The following RMI1 variants were observed in gnomAD, a reference collection of about 807,000 sequenced individuals.
RMI1 encodes the protein recQ-mediated genome instability protein 1.
In RMI1, 36 loss-of-function variants were observed where a neutral mutation model predicts 46.7. The ratio of observed to expected loss-of-function variants is 0.77; its 90% CI spans 0.59 to 1.02. The LOEUF is 1.02. Among genes scored for constraint, RMI1 ranks in the 50% least tolerant of loss-of-function variants. RMI1 has a pLI of 0.00. For synonymous variants in RMI1, 250 were observed against 252.9 expected (o/e 0.99, Z 0.11); for missense variants, 676 against 713.7 (o/e 0.95, Z 0.60).
intron 1 of RMI1, among the ~76,000 whole-genome samples, chr9:83,982,975 T>C (rs1240950382): frequency 2.0e-5 from 3 of 152,352 alleles, no homozygotes; most frequent in Admixed American, 6.5e-5. Context: ...TCTTGTGTAA[T>C]TGGTACAATG....
chr9:83,985,282 A>G (rs1490319726), intron 1 of RMI1, among the ~76,000 whole-genome samples: 1 of 152,226 alleles, frequency 6.6e-6, no homozygotes, highest in Non-Finnish European at 1.5e-5. Flanking sequence ...AGTTGTAGGA[A>G]TTATATCTGT....
chr9:83,989,674 A>AAAAAAT lies in RMI1; in HGVS notation c.-126+8787_-126+8788insATAAAA, dbSNP rs1554705254. On this transcript the variant is annotated intron_variant, in intron 1 of 2. Coordinates refer to ENST00000445877, the MANE Select transcript of RMI1 (RefSeq NM_001358291.2). ...AAATGGCTATCAAAAAGACAAAAAAAAAAATAAAATAAAATAAAAAAGATT... is the reference window on the plus strand; with the variant it reads ...AAATGGCTATCAAAAAGACAAAAAAAAAAAATAAAATAAAATAAAATAAAAAAGATT... Among the ~76,000 whole-genome samples, 3 of 150,678 alleles carry AAAAAAT rather than the reference A, an allele frequency of 2.0e-5. No homozygotes were observed. In the East Asian group the frequency reaches 5.8e-4, roughly 29 times the overall value.
At chr9:83,986,751 T>C (rs1412436381) in intron 1 of RMI1, among the ~76,000 whole-genome samples, 4 of 152,224 alleles carry the variant, frequency 2.6e-5, no homozygotes, top group Non-Finnish European at 4.4e-5. Context: ...CTGGGAAATA[T>C]AGGATTAATA....
rs1397951959 is a variant in RMI1, at chr9:84,002,159, T to TC, written c.1175dup (p.Ser393IlefsTer3). 6.2e-7 allele frequency: 1 copy of TC among 1,613,778 alleles called. No individual in the cohort carries two copies. The highest frequency in any genetic ancestry group is 8.5e-7 in the Non-Finnish European group (1 of 1,179,868). On this transcript the variant is annotated frameshift_variant, in exon 3 of 3. Coordinates refer to ENST00000445877, the MANE Select transcript of RMI1 (RefSeq NM_001358291.2). LOFTEE classifies it high-confidence loss of function. Reference sequence around the variant, plus strand: ...CTAATGAAGACAAATCATTTGGTTGTCCATCTGTTAGAGACCAAAACAGGA... The same window carrying TC: ...CTAATGAAGACAAATCATTTGGTTGTCCCATCTGTTAGAGACCAAAACAGGA...
At position 84,002,972 on chromosome 9, in the gene RMI1, A is replaced by G. The variant is rs1315894906; in HGVS notation, c.*108A>G. 1 of 656,174 alleles carries G rather than the reference A, an allele frequency of 1.5e-6. No homozygotes were observed. Among genetic ancestry groups the G allele is most frequent in the Non-Finnish European group, 2.5e-6 (1 of 398,392 alleles). 40.6% of individuals were successfully genotyped at this position (656,174 alleles called of 1,614,324 possible). Reference sequence around the variant, plus strand: ...GTGTAAAAAGGAAAAATGAAATTTCATAGCTTATTTCAGTTTAATTTTAAA... The same window carrying G: ...GTGTAAAAAGGAAAAATGAAATTTCGTAGCTTATTTCAGTTTAATTTTAAA... On this transcript the variant is annotated 3_prime_UTR_variant, in exon 3 of 3. Coordinates refer to ENST00000445877, the MANE Select transcript of RMI1 (RefSeq NM_001358291.2).
At position 83,986,588 on chromosome 9, in the gene RMI1, A is replaced by G. The variant is rs140312614; in HGVS notation, c.-126+5697A>G. 2.8e-3 allele frequency among the ~76,000 whole-genome samples: 428 copies of G among 152,308 alleles called. 3 individuals carry two copies. The highest frequency in any genetic ancestry group is 9.8e-3 in the African/African-American group (407 of 41,568). ...AAAAATAGATGAGAATACTCTTTCTATCAAAAAATTACTGTTTTGAGGTTT... is the reference window on the plus strand; with the variant it reads ...AAAAATAGATGAGAATACTCTTTCTGTCAAAAAATTACTGTTTTGAGGTTT... On this transcript the variant is annotated intron_variant, in intron 1 of 2. Coordinates refer to ENST00000445877, the MANE Select transcript of RMI1 (RefSeq NM_001358291.2).
At chr9:83,996,804 G>A (rs1393971111) in intron 1 of RMI1, among the ~76,000 whole-genome samples, 1 of 152,106 alleles carries the variant, frequency 6.6e-6, no homozygotes, top group Non-Finnish European at 1.5e-5. Context: ...TAAAATCATG[G>A]TGAAAGTGAA....
intron 1 of RMI1, among the ~76,000 whole-genome samples, chr9:83,991,801 G>T (rs1215361493): frequency 1.3e-5 from 2 of 152,124 alleles, no homozygotes; most frequent in East Asian, 3.8e-4. Context: ...TCATATATAT[G>T]TGTGTCTATT....
chr9:83,989,868 A>G (rs944810013), intron 1 of RMI1, among the ~76,000 whole-genome samples: 2 of 152,156 alleles, frequency 1.3e-5, no homozygotes, highest in Admixed American at 1.3e-4. Context: ...AAGGAAATCA[A>G]TGTATTGAAG....
Position 84,003,737 on chromosome 9 carries a change from T to TA in RMI1, c.*877dup, listed in dbSNP as rs1957772148. 1 of 166,786 alleles carries TA rather than the reference T, an allele frequency of 6.0e-6. No homozygotes were observed. The highest frequency in any genetic ancestry group is 2.4e-5 in the African/African-American group (1 of 41,472). The allele number at this position is 166,786 out of a possible 1,614,324, so 10.3% of individuals were successfully genotyped here. ...ATTTCATAGATTATATTGAATGATTTAAAACTTTATTTTCAAGGATAGTTT... is the reference window on the plus strand; with the variant it reads ...ATTTCATAGATTATATTGAATGATTTAAAAACTTTATTTTCAAGGATAGTTT... On this transcript the variant is annotated 3_prime_UTR_variant, in exon 3 of 3. Coordinates refer to ENST00000445877, the MANE Select transcript of RMI1 (RefSeq NM_001358291.2).
intron 1 of RMI1, among the ~76,000 whole-genome samples, chr9:83,995,094 G>A (rs1957630147): frequency 6.6e-6 from 1 of 152,132 alleles, no homozygotes; most frequent in African/African-American, 2.4e-5. Context: ...CCGCCTCCCA[G>A]ATTCAAGCCA....
Position 84,001,748 on chromosome 9 carries a change from T to C in RMI1, c.762T>C (p.Asn254=), listed in dbSNP as rs1273217675. Residue 254 remains asparagine, a synonymous_variant, in exon 3 of 3, where the codon AAT becomes AAC. Coordinates refer to ENST00000445877, the MANE Select transcript of RMI1 (RefSeq NM_001358291.2). ...DEELLASLDE[N]DELTANNDTS... ...AACTCTTGGCAAGTCTTGATGAAAA[T>C]GATGAGCTTACAGCAAATAATGACA... 3 of 1,613,980 alleles carry C rather than the reference T, an allele frequency of 1.9e-6. No individual in the cohort carries two copies. The highest frequency in any genetic ancestry group is 2.2e-5 in the South Asian group (2 of 91,074).
chr9:83,996,845 G>A (rs1281012599), intron 1 of RMI1, among the ~76,000 whole-genome samples: 1 of 152,036 alleles, frequency 6.6e-6, no homozygotes, highest in African/African-American at 2.4e-5. Flanking sequence ...TGTGGCCAGA[G>A]CAGGGGGAGG....
At chr9:84,000,921 T>C (rs1957727063) in intron 2 of RMI1, 30 bp from the exon 3 acceptor site, 2 of 1,137,886 alleles carry the variant, frequency 1.8e-6, no homozygotes, top group African/African-American at 3.1e-5. Flanking sequence ...TATACTGAAT[T>C]ATCTAAATTT....
rs577279452 is a variant in RMI1, at chr9:83,999,647, A to C, written c.-125-62A>C. On this transcript the variant is annotated intron_variant, in intron 1 of 2. Transcript: ENST00000445877. ...CCATCAAACTCTTGCACTTAAGAAA[A>C]TAGTCCTGTCTTTCTACAACTTCAT... 3 of 152,280 alleles carry C rather than the reference A, an allele frequency of 2.0e-5. No homozygotes were observed. In the East Asian group the frequency reaches 5.8e-4, roughly 29 times the overall value. 9.4% of individuals were successfully genotyped at this position (152,280 alleles called of 1,614,324 possible).
intron 1 of RMI1, among the ~76,000 whole-genome samples, chr9:83,990,467 G>A (rs187229608): frequency 2.0e-5 from 3 of 150,626 alleles, no homozygotes; most frequent in East Asian, 2.0e-4. Flanking sequence ...TCGAGATAGC[G>A]CCGCTGCACT....
rs1268453311 is a variant in RMI1 at position 84,001,473 on chromosome 9, C to A, written c.487C>A (p.Pro163Thr). ...PIPILHSDLPPGTKILIYGNI... is the reference protein window; with the variant it reads ...PIPILHSDLPTGTKILIYGNI... ...TCCAATTCTTCATAGTGATCTTCCT[C>A]CAGGTACAAAAATTTTGATTTATGG... Residue 163 changes from proline to threonine, a missense_variant, in exon 3 of 3, where the codon CCA (proline) becomes ACA (threonine). Transcript: ENST00000445877. 8.1e-6 allele frequency: 13 copies of A among 1,613,838 alleles called. 1 individual carries two copies. The highest frequency in any genetic ancestry group is 2.7e-5 in the African/African-American group (2 of 74,894).
At chr9:83,984,330 C>T (rs559504116) in intron 1 of RMI1, among the ~76,000 whole-genome samples, 19 of 148,284 alleles carry the variant, frequency 1.3e-4, no homozygotes, top group African/African-American at 4.3e-4. Context: ...AGTGCAGTGG[C>T]GCAATCTCGG....
intron 1 of RMI1, among the ~76,000 whole-genome samples, chr9:83,994,190 G>C (rs180881657): frequency 1.3e-5 from 2 of 151,948 alleles, no homozygotes; most frequent in Admixed American, 6.6e-5. Context: ...ACATATTCTG[G>C]GTAATAACAC....
Sources: allele counts gnomAD v4.1 joint callset (sites outside exome capture counted in the v4.1 genomes callset), GRCh38; gene constraint gnomAD v4.1.1; transcripts MANE v1.5; gene names NCBI Gene and HGNC (gene_info 2026-07-23, HGNC 2026-07-21).